TRMT11: variants seen among roughly 807,000 people sequenced by gnomAD.
TRMT11 encodes the protein tRNA methyltransferase 11.
TRMT11 carries 53 observed loss-of-function variants against 62.8 expected under a neutral mutation model. That is an observed-to-expected ratio of 0.84 (90% confidence interval 0.68 to 1.06). TRMT11 has a LOEUF of 1.06. Ranked by LOEUF, TRMT11 falls within the 50% of genes least tolerant of loss-of-function variation. The probability of loss-of-function intolerance (pLI) is 0.00; values close to 1 mark genes in which losing one functional copy is unlikely to be tolerated. For missense variants in TRMT11, 556 were observed against 553.4 expected (o/e 1.00, Z -0.05); for synonymous variants, 188 against 190.3 (o/e 0.99, Z 0.10).
intron 9 of TRMT11, among the ~76,000 whole-genome samples, chr6:126,011,972 A>G (rs141365085): frequency 4.6e-5 from 7 of 152,282 alleles, no homozygotes; most frequent in East Asian, 1.9e-4. Flanking sequence ...TTATTTTCCC[A>G]TGCCTCATGA....
At chr6:126,133,303 A>G (rs1184766859) in intron 21 of TRMT11, among the ~76,000 whole-genome samples, 1 of 152,052 alleles carries the variant, frequency 6.6e-6, no homozygotes, top group Non-Finnish European at 1.5e-5. Flanking sequence ...CTAAATGCTT[A>G]TTTCCCAAAA....
the TRMT11 span, among the ~76,000 whole-genome samples, chr6:126,210,596 C>T: frequency 1.3e-5 from 2 of 152,204 alleles, no homozygotes; most frequent in African/African-American, 4.8e-5. Flanking sequence ...ATGAATACAA[C>T]ATGACTTCAG....
chr6:126,240,229 C>A, the TRMT11 span, among the ~76,000 whole-genome samples: 66 of 152,220 alleles, frequency 4.3e-4, 2 homozygotes, highest in Non-Finnish European at 1.0e-4. Context: ...ATTCTCCATC[C>A]AGCTTTGTTC....
In TRMT11 at chr6:126,080,797, C is replaced by T. The variant is rs550385559; in HGVS notation, c.*1437+27607C>T. On this transcript the variant is annotated intron_variant and NMD_transcript_variant, in intron 17 of 22. Coordinates refer to the TRMT11 transcript ENST00000648977. ...GCCCAAGTTTAACTCACAGTGGGCC[C>T]AGTTGGTCAGTTGACCCCCCTGTAG... is the stretch of plus-strand genomic sequence containing the variant. Among the ~76,000 whole-genome samples, 3 of 152,232 alleles carry T rather than the reference C, an allele frequency of 2.0e-5. No homozygotes were observed. The South Asian group carries it at 6.2e-4, about 32-fold the overall frequency.
intron 21 of TRMT11, among the ~76,000 whole-genome samples, chr6:126,150,038 C>T (rs117241786): frequency 4.6e-5 from 7 of 152,166 alleles, no homozygotes; most frequent in East Asian, 1.9e-4. Context: ...CCTAATGTTG[C>T]GGTATTGAGA....
upstream of TRMT11, among the ~76,000 whole-genome samples, chr6:126,174,442 A>G (rs1323132596): frequency 6.6e-6 from 1 of 152,138 alleles, no homozygotes; most frequent in East Asian, 1.9e-4. Flanking sequence ...AAATATGGAA[A>G]TTTCCTTATG....
At chr6:126,203,240 A>T (rs537759203), downstream of TRMT11, among the ~76,000 whole-genome samples, 2 of 152,324 alleles carry the variant, frequency 1.3e-5, no homozygotes, top group African/African-American at 4.8e-5. Context: ...TGAACAATTT[A>T]ATCTTTTCAC....
chr6:126,197,617 C>T (rs866239595), intron 1 of TRMT11, among the ~76,000 whole-genome samples: 14 of 152,284 alleles, frequency 9.2e-5, no homozygotes, highest in Middle Eastern at 6.8e-3. Context: ...ATTTTCACTA[C>T]GTATTATACA....
chr6:126,030,246 C>T (rs1773947593), intron 12 of TRMT11, among the ~76,000 whole-genome samples: 1 of 152,086 alleles, frequency 6.6e-6, no homozygotes, highest in Non-Finnish European at 1.5e-5. Context: ...AGCTACTGTC[C>T]AGTACCAGAT....
At chr6:126,174,981 T>C (rs751576727), upstream of TRMT11, among the ~76,000 whole-genome samples, 26 of 152,212 alleles carry the variant, frequency 1.7e-4, no homozygotes, top group Non-Finnish European at 3.2e-4. Flanking sequence ...TACAGAATGT[T>C]GTATCAAAAG....
chr6:126,114,232 A>G (rs982187001), intron 18 of TRMT11, among the ~76,000 whole-genome samples: 2 of 152,046 alleles, frequency 1.3e-5, no homozygotes, highest in Non-Finnish European at 2.9e-5. Flanking sequence ...AGCTGATAAC[A>G]GTTTGAAAGT....
chr6:126,034,156 AACATG>A (rs1774726551), intron 12 of TRMT11, among the ~76,000 whole-genome samples: 1 of 152,142 alleles, frequency 6.6e-6, no homozygotes, highest in African/African-American at 2.4e-5. Context: ...CAATGGGAAA[AACATG>A]AGTTTTGAAG....
At chr6:126,119,673 A>G (rs1777628809) in intron 21 of TRMT11, among the ~76,000 whole-genome samples, 1 of 152,050 alleles carries the variant, frequency 6.6e-6, no homozygotes, top group African/African-American at 2.4e-5. Flanking sequence ...GAACGATCCT[A>G]TGGAACATAT....
At chr6:126,076,960 G>A (rs1170526375) in intron 17 of TRMT11, among the ~76,000 whole-genome samples, 1 of 152,168 alleles carries the variant, frequency 6.6e-6, no homozygotes, top group Non-Finnish European at 1.5e-5. Flanking sequence ...TTAGTCAATA[G>A]AAGGTTTTGC....
chr6:126,076,451 A>G (rs1042796130), intron 17 of TRMT11, among the ~76,000 whole-genome samples: 4 of 152,220 alleles, frequency 2.6e-5, no homozygotes, highest in African/African-American at 7.2e-5. Context: ...ATTGATAGAT[A>G]GAACCTTTGG....
intron 11 of TRMT11, among the ~76,000 whole-genome samples, chr6:126,013,604 T>C (rs1794588856): frequency 6.6e-6 from 1 of 152,162 alleles, no homozygotes; most frequent in Non-Finnish European, 1.5e-5. Flanking sequence ...TGTTATTTTA[T>C]ATCAGGGGTT....
At chr6:126,168,195 C>T (rs1051723869) in intron 21 of TRMT11, among the ~76,000 whole-genome samples, 1 of 152,208 alleles carries the variant, frequency 6.6e-6, no homozygotes, top group African/African-American at 2.4e-5. Flanking sequence ...CCTTCTCTTA[C>T]ACCGGCAACC....
At chr6:126,058,390 A>G (rs1015795513) in intron 17 of TRMT11, among the ~76,000 whole-genome samples, 1 of 152,172 alleles carries the variant, frequency 6.6e-6, no homozygotes, top group African/African-American at 2.4e-5. Context: ...AGCCTTTGCT[A>G]TTGTGAACAG....
At chr6:126,158,094 TA>T (rs1778141809) in intron 21 of TRMT11, among the ~76,000 whole-genome samples, 1 of 152,216 alleles carries the variant, frequency 6.6e-6, no homozygotes, top group African/African-American at 2.4e-5. Flanking sequence ...TTATTACTAT[TA>T]TTTTTGATAA....
Sources: gnomAD v4.1 joint callset for allele counts (sites outside exome capture counted in the v4.1 genomes callset) on GRCh38, gnomAD v4.1.1 for gene constraint, MANE v1.5 for transcripts, NCBI Gene and HGNC (gene_info 2026-07-23, HGNC 2026-07-21) for gene names.